Variants in PYGO1 observed in about 807,000 individuals in gnomAD.
PYGO1 encodes the protein pygopus homolog 1.
A neutral mutation model predicts 29.5 loss-of-function variants in PYGO1; 6 were observed. The observed-to-expected ratio is 0.20, with a 90% confidence interval of 0.11 to 0.40. The LOEUF is 0.40. Ranked by LOEUF, PYGO1 falls within the 10% of genes least tolerant of loss-of-function variation. The pLI is 1.00. For missense variants in PYGO1, 515 were observed against 514.9 expected, an observed-to-expected ratio of 1.00 and a Z score of 0.00; for synonymous variants, 186 against 180.5, an observed-to-expected ratio of 1.03 and a Z score of -0.24.
rs1463987713 is a variant in PYGO1, at chr15:55,557,095, G to C, written c.50-8100C>G. Among the ~76,000 whole-genome samples, 15 of 150,076 alleles carry C rather than the reference G, an allele frequency of 1.0e-4. No individual in the cohort carries two copies. In the Admixed American group the frequency reaches 1.0e-3, roughly 10 times the overall value. Reference sequence around the variant, plus strand: ...AACTGTTCCAAAGAAATGAAAAGGAGGACGACTAATAAAGAAGAAAAGAGA... The same window carrying C: ...AACTGTTCCAAAGAAATGAAAAGGACGACGACTAATAAAGAAGAAAAGAGA... On this transcript the variant is annotated intron_variant, in intron 1 of 2. Coordinates refer to ENST00000563719, the MANE Select transcript of PYGO1 (RefSeq NM_001367806.1).
chr15:55,554,866 G>A (rs62020046), intron 1 of PYGO1, among the ~76,000 whole-genome samples: 57,422 of 152,032 alleles, frequency 0.38, 13,902 homozygotes, highest in Non-Finnish European at 0.55. Flanking sequence ...GAATTATGTA[G>A]AGAATAAATC....
intron 1 of PYGO1, among the ~76,000 whole-genome samples, chr15:55,569,231 G>A (rs1175994286): frequency 1.3e-5 from 2 of 151,844 alleles, no homozygotes; most frequent in Non-Finnish European, 2.9e-5. Flanking sequence ...TGATCCTAGG[G>A]TGTTTGTTTG....
chr15:55,554,532 T>C (rs1056599463), intron 1 of PYGO1, among the ~76,000 whole-genome samples: 5 of 149,244 alleles, frequency 3.4e-5, no homozygotes, highest in African/African-American at 1.2e-4. Context: ...TTGGCTGAAC[T>C]GACAGAGGTA....
intron 1 of PYGO1, among the ~76,000 whole-genome samples, chr15:55,569,660 T>G (rs667909): frequency 0.98 from 149,613 of 152,306 alleles, 73,536 homozygotes; most frequent in Middle Eastern, 1. Flanking sequence ...CCAAAAGTAC[T>G]GTTGGTAGGA....
rs754656411 is a variant in PYGO1, at chr15:55,546,356, T to C, written c.927A>G (p.Gln309=). 74 of 1,614,096 alleles carry C rather than the reference T, an allele frequency of 4.6e-5. No individual in the cohort carries two copies. The highest frequency in any genetic ancestry group is 6.2e-5 in the Non-Finnish European group (73 of 1,180,048). ...PANGTQNKPR[Q]PRGAADACTT... is the part of the protein sequence containing the mutation. ...TGCAGGCATCTGCTGCACCTCTTGG[T>C]TGTCGTGGCTTATTCTGCGTCCCAT... The change falls in exon 3 of 3, where the codon CAA becomes CAG. Residue 309 remains glutamine (Q), a synonymous_variant. Transcript: ENST00000563719.
intron 1 of PYGO1, among the ~76,000 whole-genome samples, chr15:55,583,406 T>G (rs1365117558): frequency 6.6e-6 from 1 of 152,214 alleles, no homozygotes; most frequent in African/African-American, 2.4e-5. Flanking sequence ...TATTTTCTCT[T>G]GACTATCTTT....
chr15:55,556,097 C>T (rs1187529906), intron 1 of PYGO1, among the ~76,000 whole-genome samples: 4 of 152,094 alleles, frequency 2.6e-5, no homozygotes, highest in African/African-American at 9.6e-5. Flanking sequence ...GACAGATTAT[C>T]GAGACACAAA....
chr15:55,561,998 A>C (rs975017799), intron 1 of PYGO1, among the ~76,000 whole-genome samples: 3 of 152,210 alleles, frequency 2.0e-5, no homozygotes, highest in Non-Finnish European at 4.4e-5. Context: ...TTTACAAGAA[A>C]CAACCAACCA....
intron 1 of PYGO1, among the ~76,000 whole-genome samples, chr15:55,573,161 C>T (rs1429096393): frequency 6.6e-6 from 1 of 152,046 alleles, no homozygotes; most frequent in Admixed American, 6.6e-5. Flanking sequence ...AAAAAATTAG[C>T]CGGGCGTGGT....
intron 1 of PYGO1, among the ~76,000 whole-genome samples, chr15:55,584,668 A>T (rs1411112475): frequency 6.6e-6 from 1 of 152,210 alleles, no homozygotes; most frequent in Admixed American, 6.5e-5. Flanking sequence ...CATTCATTTG[A>T]CATTTACTAT....
chr15:55,544,925 C>T lies in PYGO1; in HGVS notation c.*1098G>A, dbSNP rs756173176. The T allele has an allele frequency of 1.6e-4, 24 of 152,070 alleles. No homozygotes were observed. Among genetic ancestry groups the T allele is most frequent in the Non-Finnish European group, 2.6e-4 (18 of 68,020 alleles). 9.4% of individuals were successfully genotyped at this position (152,070 alleles called of 1,614,324 possible). A position where few individuals can be genotyped will look rare whatever the true frequency, so the allele number is the denominator to read the frequency against. The stretch of plus-strand genomic sequence containing the variant: ...TCTCAGGTCCATTTTTATACTTTTC[C>T]CCAGTCAGAGCGGGAATTCCTTAAG... On this transcript the variant is annotated 3_prime_UTR_variant, in exon 3 of 3. Coordinates refer to ENST00000563719, the MANE Select transcript of PYGO1 (RefSeq NM_001367806.1).
At chr15:55,588,560 T>C (rs2059060705), upstream of PYGO1, among the ~76,000 whole-genome samples, 1 of 145,532 alleles carries the variant, frequency 6.9e-6, no homozygotes, top group South Asian at 2.2e-4. Context: ...CGCGCGCCTC[T>C]TGCTCCAAGC....
chr15:55,546,308 G>C lies in PYGO1; in HGVS notation c.975C>G (p.Ser325=). 6.2e-7 allele frequency: 1 copy of C among 1,614,096 alleles called. No individual in the cohort carries two copies. The highest frequency in any genetic ancestry group is 8.5e-7 in the Non-Finnish European group (1 of 1,180,004). Residue 325 remains serine, a synonymous_variant, in exon 3 of 3, where the codon TCC becomes TCG. Coordinates refer to ENST00000563719, the MANE Select transcript of PYGO1 (RefSeq NM_001367806.1). ...GGCCATGACGGTTTGGGTGAAGAGA[G>C]GATTTATTGCTTTTTTCTGTGGTGC... ...DACTTEKSNK[S]SLHPNRHGHS...
At chr15:55,573,823 T>C (rs2058990002) in intron 1 of PYGO1, among the ~76,000 whole-genome samples, 1 of 152,236 alleles carries the variant, frequency 6.6e-6, no homozygotes, top group South Asian at 2.1e-4. Context: ...TTGTATTACA[T>C]ACTGTGTTCT....
chr15:55,585,550 TA>T (rs140283253), intron 1 of PYGO1, among the ~76,000 whole-genome samples: 2,040 of 152,300 alleles, frequency 0.013, 33 homozygotes, highest in African/African-American at 0.046. Context: ...CCCCATAACA[TA>T]AAAATACTGA....
rs1239705063 is a variant in PYGO1, at chr15:55,544,519, G to A, written c.*1504C>T. The A allele has an allele frequency of 6.6e-6, 1 of 152,324 alleles. No individual in the cohort carries two copies. Among genetic ancestry groups the A allele is most frequent in the Middle Eastern group, 3.4e-3 (1 of 294 alleles). 9.4% of individuals were successfully genotyped at this position (152,324 alleles called of 1,614,324 possible). On this transcript the variant is annotated 3_prime_UTR_variant, in exon 3 of 3. Coordinates refer to ENST00000563719, the MANE Select transcript of PYGO1 (RefSeq NM_001367806.1). ...GACATGTGAGGTCGAGTCCTTGTCT[G>A]TGAAAGTGTAGGTTCTTGTGTGTTA...
At chr15:55,556,723 G>GA (rs2058907123) in intron 1 of PYGO1, among the ~76,000 whole-genome samples, 2 of 150,740 alleles carry the variant, frequency 1.3e-5, no homozygotes, top group Admixed American at 6.6e-5. Flanking sequence ...TTGGTATTTC[G>GA]AAAAAATTAA....
chr15:55,563,287 CT>C (rs138120258), intron 1 of PYGO1, among the ~76,000 whole-genome samples: 8,124 of 151,128 alleles, frequency 0.054, 276 homozygotes, highest in Middle Eastern at 0.069. Flanking sequence ...AAAGGTTTGT[CT>C]TTTTCCCCCC....
intron 1 of PYGO1, among the ~76,000 whole-genome samples, chr15:55,569,251 T>C (rs990938839): frequency 2.6e-5 from 4 of 152,222 alleles, no homozygotes; most frequent in Admixed American, 6.5e-5. Context: ...GTTTCATTGA[T>C]ACTTTGTATG....
Sources: gnomAD v4.1 joint callset for allele counts (sites outside exome capture counted in the v4.1 genomes callset) on GRCh38, gnomAD v4.1.1 for gene constraint, MANE v1.5 for transcripts, NCBI Gene and HGNC (gene_info 2026-07-23, HGNC 2026-07-21) for gene names.